FAM178B: variants seen among roughly 807,000 people sequenced by gnomAD.
FAM178B encodes protein FAM178B.
FAM178B carries 82 observed loss-of-function variants against 91.7 expected under a neutral mutation model. The observed-to-expected ratio is 0.89, with a 90% CI of 0.75 to 1.07. The LOEUF is 1.07. FAM178B is among the 50% of genes least tolerant of loss of function. FAM178B has a pLI of 0.00. For missense variants in FAM178B, 769 were observed against 846.7 expected, an observed-to-expected ratio of 0.91 and a Z score of 1.14; for synonymous variants, 368 against 359.4, an observed-to-expected ratio of 1.02 and a Z score of -0.27.
intron 7 of FAM178B, chr2:96,950,161 C>T (rs1166109230): frequency 1.0e-6 from 1 of 985,400 alleles, no homozygotes; most frequent in Non-Finnish European, 1.2e-6. Flanking sequence ...TGACGCAGGG[C>T]CCCTCTGTGG....
At chr2:96,941,228 G>A (rs2081724504) in intron 8 of FAM178B, among the ~76,000 whole-genome samples, 2 of 152,170 alleles carry the variant, frequency 1.3e-5, no homozygotes, top group Admixed American at 6.5e-5. Flanking sequence ...TCTTTATTTT[G>A]CATCTTTCTC....
intron 12 of FAM178B, among the ~76,000 whole-genome samples, chr2:96,914,923 C>T (rs1373558319): frequency 2.6e-5 from 4 of 151,510 alleles, no homozygotes; most frequent in Non-Finnish European, 5.9e-5. Flanking sequence ...TTTTTAGAGA[C>T]ACGTACTGAA....
At chr2:96,911,069 T>C (rs1028214028) in intron 12 of FAM178B, among the ~76,000 whole-genome samples, 29 of 152,168 alleles carry the variant, frequency 1.9e-4, no homozygotes, top group South Asian at 6.2e-4. Flanking sequence ...TGCCTGGCCC[T>C]AGAATCTTTT....
chr2:96,906,287 C>T (rs1359362055), intron 12 of FAM178B, among the ~76,000 whole-genome samples: 6 of 145,548 alleles, frequency 4.1e-5, no homozygotes, highest in Middle Eastern at 4.2e-3. Context: ...CTGCAAGCTC[C>T]GCCTCCTGGG....
intron 8 of FAM178B, among the ~76,000 whole-genome samples, chr2:96,945,302 GA>G (rs2081805549): frequency 1.4e-5 from 2 of 145,312 alleles, no homozygotes; most frequent in Admixed American, 6.7e-5. Context: ...AGTGCCCTGG[GA>G]CACTCGGGCC....
intron 12 of FAM178B, among the ~76,000 whole-genome samples, chr2:96,916,787 G>A (rs2081248410): frequency 6.6e-6 from 1 of 152,208 alleles, no homozygotes. Flanking sequence ...CGGGTGTACT[G>A]CATGAGTGTC....
At position 96,894,065 on chromosome 2, in the gene FAM178B, G is replaced by T; in HGVS notation, c.1651-14C>A. 6.3e-7 allele frequency: 1 copy of T among 1,597,622 alleles called. No homozygotes were observed. The highest frequency in any genetic ancestry group is 8.5e-7 in the Non-Finnish European group (1 of 1,173,438). The stretch of plus-strand genomic sequence containing the variant: ...GAGCGAGGACAGCTGGGGAGGAGAA[G>T]GGAGGCTGTCACTCACAGAGGGTGG... On this transcript the variant is annotated splice_polypyrimidine_tract_variant and intron_variant, in intron 13 of 16. Coordinates refer to ENST00000490605, the MANE Select transcript of FAM178B (RefSeq NM_001122646.3).
chr2:96,894,093 G>A, intron 13 of FAM178B, 42 bp from the exon 14 acceptor site: 1 of 1,569,502 alleles, frequency 6.4e-7, no homozygotes, highest in Non-Finnish European at 8.6e-7. Context: ...GAGGGTGGTG[G>A]CCAAGAGCTC....
At chr2:96,893,835 AGGCCATGCAATGTGGACAG>A (rs1442049741) in intron 14 of FAM178B, 72 bp downstream of exon 14, 5 of 1,454,636 alleles carry the variant, frequency 3.4e-6, no homozygotes, top group Admixed American at 2.2e-5. Context: ...AAGGACCCGC[AGGCCATGCAATGTGGACAG>A]CCCTGCCTTT....
chr2:96,950,938 C>G (rs949269963), intron 7 of FAM178B, among the ~76,000 whole-genome samples: 1 of 152,142 alleles, frequency 6.6e-6, no homozygotes, highest in Admixed American at 6.5e-5. Context: ...ACGGCCCTCC[C>G]GCTGCGTATG....
chr2:96,952,939 C>T (rs540941754), intron 6 of FAM178B, among the ~76,000 whole-genome samples: 1 of 152,282 alleles, frequency 6.6e-6, no homozygotes, highest in South Asian at 2.1e-4. Context: ...CCTCCTTCTG[C>T]TTCTCCTCCT....
At chr2:96,982,436 T>C (rs2082374060) in intron 1 of FAM178B, among the ~76,000 whole-genome samples, 1 of 151,746 alleles carries the variant, frequency 6.6e-6, no homozygotes. Flanking sequence ...TTAATTTTTG[T>C]ATTTTTTGTA....
At chr2:96,902,506 G>C (rs1477935474) in intron 13 of FAM178B, 114 bp downstream of exon 13, 1 of 724,172 alleles carries the variant, frequency 1.4e-6, no homozygotes, top group Non-Finnish European at 2.5e-6. Context: ...AAGAACATGA[G>C]TAGAGAGTTC....
rs775927980 is a variant in FAM178B at position 96,961,334 on chromosome 2, T to TGC, written c.735-895_735-894insGC. Among the ~76,000 whole-genome samples, 688 of 151,446 alleles carry TGC rather than the reference T, an allele frequency of 4.5e-3. 22 individuals are homozygous for TGC. In the East Asian group the frequency reaches 0.07, roughly 15 times the overall value. Reference sequence around the variant, plus strand: ...GAGGGTGTGTGTGTGTGTGTGTGTGTGTGTGTACACACACACAAGCCTACA... The same window carrying TGC: ...GAGGGTGTGTGTGTGTGTGTGTGTGTGCGTGTGTACACACACACAAGCCTACA... On this transcript the variant is annotated intron_variant, in intron 5 of 16. Coordinates refer to ENST00000490605, the MANE Select transcript of FAM178B (RefSeq NM_001122646.3).
chr2:96,979,142 A>G (rs1403827225), intron 1 of FAM178B, among the ~76,000 whole-genome samples: 2 of 146,534 alleles, frequency 1.4e-5, no homozygotes, highest in Non-Finnish European at 3.0e-5. Flanking sequence ...ATGCCTGGCT[A>G]ATTTTTTGTA....
chr2:96,879,673 G>C (rs922348046), intron 14 of FAM178B, among the ~76,000 whole-genome samples: 1 of 152,382 alleles, frequency 6.6e-6, no homozygotes, highest in Admixed American at 6.5e-5. Context: ...TAAGGCCCAC[G>C]GGTGGTCTGA....
chr2:96,877,977 G>A lies in FAM178B; in HGVS notation c.1920C>T (p.Pro640=). The A allele has an allele frequency of 1.2e-6, 2 of 1,613,702 alleles. No homozygotes were observed. Among genetic ancestry groups the A allele is most frequent in the Non-Finnish European group, 1.7e-6 (2 of 1,180,026 alleles). Residue 640 remains proline, a synonymous_variant, in exon 16 of 17, where the codon CCC becomes CCT. Transcript: ENST00000490605. ...RHISTQIRES[P]QAMHRTMLKD... ...TGAGCATGGTGCGGTGCATGGCCTG[G>A]GGGCTCTCCCGGATCTGCGTGCTGA...
intron 8 of FAM178B, among the ~76,000 whole-genome samples, chr2:96,930,273 C>T (rs2081518448): frequency 7.0e-6 from 1 of 141,916 alleles, no homozygotes; most frequent in South Asian, 2.3e-4. Context: ...CAGGGAGAAC[C>T]TTACATACTC....
intron 12 of FAM178B, among the ~76,000 whole-genome samples, chr2:96,903,419 C>T (rs1424377230): frequency 3.9e-5 from 6 of 152,176 alleles, no homozygotes; most frequent in African/African-American, 1.4e-4. Context: ...GGGGGACTGA[C>T]TTGGCCTCAG....
Sources: gnomAD v4.1 joint callset for allele counts (sites outside exome capture counted in the v4.1 genomes callset) on GRCh38, gnomAD v4.1.1 for gene constraint, MANE v1.5 for transcripts, NCBI Gene and HGNC (gene_info 2026-07-23, HGNC 2026-07-21) for gene names.